ABCB5: variants seen among roughly 807,000 people sequenced by gnomAD.
The protein encoded by ABCB5 is ATP binding cassette subfamily B member 5.
ABCB5 carries 155 observed loss-of-function variants against 144.2 expected under a neutral mutation model. The ratio of observed to expected loss-of-function variants is 1.08; its 90% CI spans 0.94 to 1.23. The LOEUF (loss-of-function observed/expected upper bound fraction) is 1.23. Among genes scored for constraint, ABCB5 ranks in the 50% most tolerant of loss-of-function variants. The pLI, the probability that ABCB5 is intolerant of heterozygous loss-of-function variation, is 0.00. For synonymous variants in ABCB5, 610 were observed against 528.6 expected (o/e 1.15, Z -2.11); for missense variants, 1,830 against 1,520.8 (o/e 1.20, Z -3.38).
intron 16 of ABCB5, among the ~76,000 whole-genome samples, chr7:20,691,261 C>G (rs1352208887): frequency 7.7e-5 from 10 of 129,242 alleles, no homozygotes; most frequent in South Asian, 5.5e-4. Context: ...CTCGGCTCAC[C>G]GCAAACTCCG....
At chr7:20,743,492 T>A (rs1003521101) in intron 25 of ABCB5, among the ~76,000 whole-genome samples, 1 of 152,170 alleles carries the variant, frequency 6.6e-6, no homozygotes, top group East Asian at 1.9e-4. Flanking sequence ...CTGTCAAAAC[T>A]TTATGCACGG....
At chr7:20,702,066 G>A (rs536476645) in intron 19 of ABCB5, among the ~76,000 whole-genome samples, 4 of 152,130 alleles carry the variant, frequency 2.6e-5, no homozygotes, top group African/African-American at 9.7e-5. Context: ...CTTCATTTGA[G>A]GTAGAGGTAT....
intron 15 of ABCB5, among the ~76,000 whole-genome samples, chr7:20,683,915 G>A (rs1785906632): frequency 7.4e-6 from 1 of 134,770 alleles, no homozygotes; most frequent in African/African-American, 2.8e-5. Flanking sequence ...AAGCAATATA[G>A]CAATGTGGTT....
intron 26 of ABCB5, among the ~76,000 whole-genome samples, 194 bp downstream of exon 26, chr7:20,745,632 G>C (rs528235694): frequency 6.6e-6 from 1 of 152,146 alleles, no homozygotes; most frequent in African/African-American, 2.4e-5. Context: ...ATTTTCCTAC[G>C]ACCAAAATGT....
At chr7:20,659,214 T>G in intron 14 of ABCB5, 1 of 1,594,682 alleles carries the variant, frequency 6.3e-7, no homozygotes. Context: ...CAAGGCCATA[T>G]GCAGTTGTGG....
chr7:20,688,816 G>T (rs1344790885), intron 16 of ABCB5, among the ~76,000 whole-genome samples: 1 of 152,186 alleles, frequency 6.6e-6, no homozygotes, highest in African/African-American at 2.4e-5. Context: ...CATGTCCTTT[G>T]TAGGGGCATG....
rs10688708 is a variant in ABCB5 at position 20,634,238 on chromosome 7, T to TTGTGTGTG, written c.314+2151_314+2158dup. ...TTTTATGGCTGACTAGTATTCCATGTTGTGTGTGTGTGTGTGTGTGTGTGT... is the reference window on the plus strand; with the variant it reads ...TTTTATGGCTGACTAGTATTCCATGTTGTGTGTGTGTGTGTGTGTGTGTGTGTGTGTGT... On this transcript the variant is annotated intron_variant, in intron 5 of 27. Coordinates refer to ENST00000404938, the MANE Select transcript of ABCB5 (RefSeq NM_001163941.2). 9.8e-3 allele frequency among the ~76,000 whole-genome samples: 1,377 copies of TTGTGTGTG among 140,520 alleles called. 17 individuals are homozygous for TTGTGTGTG. Among genetic ancestry groups the TTGTGTGTG allele is most frequent in the African/African-American group, 0.026 (974 of 37,754 alleles). 92.2% of individuals were successfully genotyped at this position (140,520 alleles called of 152,430 possible). A position where few individuals can be genotyped will look rare whatever the true frequency, so the allele number is the denominator to read the frequency against.
At chr7:20,637,223 T>C (rs1784178374) in intron 5 of ABCB5, among the ~76,000 whole-genome samples, 1 of 152,204 alleles carries the variant, frequency 6.6e-6, no homozygotes, top group African/African-American at 2.4e-5. Flanking sequence ...CTATTCTACC[T>C]GTTATTTTCC....
chr7:20,703,199 C>G (rs757664145), intron 19 of ABCB5, among the ~76,000 whole-genome samples: 2 of 152,090 alleles, frequency 1.3e-5, no homozygotes, highest in Admixed American at 6.5e-5. Context: ...ATGTTGAAAT[C>G]TAGAACCAAT....
At chr7:20,660,494 A>G (rs58540449) in intron 14 of ABCB5, 66,676 of 814,464 alleles carry the variant, frequency 0.082, 3,667 homozygotes, top group African/African-American at 0.22. Context: ...TATACTCTTC[A>G]GTTTATTGGA....
chr7:20,705,002 C>T (rs1310073172), intron 20 of ABCB5, among the ~76,000 whole-genome samples, 195 bp downstream of exon 20: 1 of 151,438 alleles, frequency 6.6e-6, no homozygotes, highest in Admixed American at 6.6e-5. Context: ...ATATTTTTAA[C>T]CAAAAATAGA....
intron 13 of ABCB5, among the ~76,000 whole-genome samples, chr7:20,655,061 G>C (rs1583398844): frequency 6.9e-6 from 1 of 144,650 alleles, no homozygotes. Context: ...AAAAAAAAAA[G>C]TATAACTGTA....
chr7:20,636,026 G>C (rs1192261109), intron 5 of ABCB5, among the ~76,000 whole-genome samples: 2 of 152,132 alleles, frequency 1.3e-5, no homozygotes, highest in Non-Finnish European at 2.9e-5. Flanking sequence ...GTACAGCATA[G>C]ATACTGAACA....
At chr7:20,626,419 A>G (rs1040110824) in intron 2 of ABCB5, 138 bp from the exon 3 acceptor site, 3 of 644,272 alleles carry the variant, frequency 4.7e-6, no homozygotes, top group Admixed American at 3.1e-5. Flanking sequence ...TCTATCATTA[A>G]GTTTATTTTT....
At chr7:20,655,232 G>A (rs895745639) in intron 13 of ABCB5, among the ~76,000 whole-genome samples, 2 of 152,142 alleles carry the variant, frequency 1.3e-5, no homozygotes, top group Non-Finnish European at 2.9e-5. Flanking sequence ...AGCACTTTGG[G>A]AGGCTGAGGC....
Position 20,717,883 on chromosome 7 carries a change from C to CTTTTTTTT in ABCB5, c.2422-5104_2422-5097dup, listed in dbSNP as rs574592723. Among the ~76,000 whole-genome samples, 52 of 43,272 alleles carry CTTTTTTTT rather than the reference C, an allele frequency of 1.2e-3. 17 individuals are homozygous for CTTTTTTTT. Among genetic ancestry groups the CTTTTTTTT allele is most frequent in the Admixed American group, 2.2e-3 (6 of 2,780 alleles). The allele number at this position is 43,272 out of a possible 152,430, so 28.4% of individuals were successfully genotyped here. On this transcript the variant is annotated intron_variant, in intron 20 of 27. Coordinates refer to ENST00000404938, the MANE Select transcript of ABCB5 (RefSeq NM_001163941.2). ...AATACGGTAACATTCTTGTAACATT[C>CTTTTTTTT]TTTTTTTTTTTTTTTTTTTTTTTTT...
At chr7:20,715,250 TG>T (rs1781631992) in intron 20 of ABCB5, among the ~76,000 whole-genome samples, 1 of 152,134 alleles carries the variant, frequency 6.6e-6, no homozygotes, top group Non-Finnish European at 1.5e-5. Context: ...TTCACCACAT[TG>T]GCCAGGCTGG....
Position 20,743,034 on chromosome 7 carries a change from A to C in ABCB5, c.3182A>C (p.Gln1061Pro). ...GGCTGTGGGAAAAGCACTTCTGTTC[A>C]ACTTCTGCAGAGACTTTATGACCCC... The part of the protein sequence containing the change: ...SSGCGKSTSV[Q>P]LLQRLYDPVQ... The change falls in exon 25 of 28, where the codon CAA (glutamine) becomes CCA (proline). Residue 1061 changes from glutamine (Q) to proline (P), a missense_variant. Coordinates refer to ENST00000404938, the MANE Select transcript of ABCB5 (RefSeq NM_001163941.2). The C allele has an allele frequency of 6.2e-7, 1 of 1,614,130 alleles. No homozygotes were observed. Among genetic ancestry groups the C allele is most frequent in the Admixed American group, 1.7e-5 (1 of 60,012 alleles).
intron 19 of ABCB5, among the ~76,000 whole-genome samples, chr7:20,703,078 G>T (rs1469535456): frequency 6.6e-6 from 1 of 151,914 alleles, no homozygotes; most frequent in Admixed American, 6.6e-5. Flanking sequence ...ACCTATTCAT[G>T]GTGTTTTACA....
Sources: gnomAD v4.1 joint callset for allele counts (sites outside exome capture counted in the v4.1 genomes callset) on GRCh38, gnomAD v4.1.1 for gene constraint, MANE v1.5 for transcripts, NCBI Gene and HGNC (gene_info 2026-07-23, HGNC 2026-07-21) for gene names.